The following ADAM19 variants were observed in gnomAD, a reference collection of about 807,000 sequenced individuals.
The protein encoded by ADAM19 is disintegrin and metalloproteinase domain-containing protein 19.
In ADAM19, 65 loss-of-function variants were observed where a neutral mutation model predicts 114.7. The ratio of observed to expected loss-of-function variants is 0.57; its 90% CI spans 0.46 to 0.70. The LOEUF is 0.70. Ranked by LOEUF, ADAM19 falls within the 30% of genes least tolerant of loss-of-function variation. ADAM19 has a pLI of 0.00. For synonymous variants in ADAM19, 466 were observed against 460.5 expected, an observed-to-expected ratio of 1.01 and a Z score of -0.15; for missense variants, 1,063 against 1,204.7, an observed-to-expected ratio of 0.88 and a Z score of 1.74.
chr5:157,559,768 T>C (rs1473075895), intron 3 of ADAM19, among the ~76,000 whole-genome samples: 4 of 152,216 alleles, frequency 2.6e-5, no homozygotes, highest in Admixed American at 6.5e-5. Context: ...TTCTGCTCTG[T>C]AGTTTCCCTT....
Position 157,518,855 on chromosome 5 carries a change from C to T in ADAM19, c.634G>A (p.Val212Met). Residue 212 changes from valine (V) to methionine (M), a missense_variant, in exon 7 of 23, where the codon GTG (valine) becomes ATG (methionine). By Grantham distance (21) the Val-to-Met change is conservative. This residue lies in a region of ADAM19 where 615 missense variants were observed against 706.3 expected (regional missense o/e 0.87). Coordinates refer to ENST00000257527, the MANE Select transcript of ADAM19 (RefSeq NM_033274.5). Reference sequence around the variant, plus strand: ...TAATCAGCCACGAGGTAAAGCTCCACATACTTCATGGAGTTTAAATCTTCC... The same window carrying T: ...TAATCAGCCACGAGGTAAAGCTCCATATACTTCATGGAGTTTAAATCTTCC... ...KREDLNSMKY[V>M]ELYLVADYLE... 1 of 1,614,112 alleles carries T rather than the reference C, an allele frequency of 6.2e-7. No homozygotes were observed. The highest frequency in any genetic ancestry group is 8.5e-7 in the Non-Finnish European group (1 of 1,179,934).
At chr5:157,520,911 C>T (rs1327629478) in intron 5 of ADAM19, among the ~76,000 whole-genome samples, 1 of 152,190 alleles carries the variant, frequency 6.6e-6, no homozygotes, top group Non-Finnish European at 1.5e-5. Context: ...ACTCACAGTC[C>T]TCTGGAAGAC....
rs34600745 is a variant in ADAM19 at position 157,490,891 on chromosome 5, C to CAA, written c.2096-439_2096-438dup. On this transcript the variant is annotated intron_variant, in intron 18 of 22. Coordinates refer to ENST00000257527, the MANE Select transcript of ADAM19 (RefSeq NM_033274.5). Reference sequence around the variant, plus strand: ...TGGGTGACAGAGCAAGACTCCGTCTCAAAAAAAAAAAAAAAACAAAGAAAC... The same window carrying CAA: ...TGGGTGACAGAGCAAGACTCCGTCTCAAAAAAAAAAAAAAAAAACAAAGAAAC... Among the ~76,000 whole-genome samples the CAA allele has an allele frequency of 3.5e-3, 384 of 110,172 alleles. 6 individuals carry two copies. In the South Asian group the frequency reaches 0.046, roughly 13 times the overall value. The allele number at this position is 110,172 out of a possible 152,430, so 72.3% of individuals were successfully genotyped here.
chr5:157,508,730 A>C (rs1383730253), intron 9 of ADAM19, among the ~76,000 whole-genome samples: 3 of 152,244 alleles, frequency 2.0e-5, no homozygotes, highest in Admixed American at 6.5e-5. Flanking sequence ...GCACTGTCAC[A>C]TGTGACCCCC....
Position 157,530,802 on chromosome 5 carries a change from C to G in ADAM19, c.407+5G>C. The stretch of plus-strand genomic sequence containing the variant: ...GGTGCCACCTGCAGCCTCAGGGTCT[C>G]TTACCTAATTCCTCGGCAAGTGCTG... On this transcript the variant is annotated splice_donor_5th_base_variant and intron_variant, in intron 5 of 22. Transcript: ENST00000257527. 6.2e-7 allele frequency: 1 copy of G among 1,613,918 alleles called. No individual in the cohort carries two copies.
intron 21 of ADAM19, among the ~76,000 whole-genome samples, chr5:157,484,312 G>C (rs1470279096): frequency 6.6e-6 from 1 of 152,166 alleles, no homozygotes; most frequent in Non-Finnish European, 1.5e-5. Flanking sequence ...GAAGCAGTGT[G>C]GGGTCCGTAT....
At chr5:157,569,438 T>TTG (rs1757765432) in intron 2 of ADAM19, among the ~76,000 whole-genome samples, 1 of 133,728 alleles carries the variant, frequency 7.5e-6, no homozygotes, top group Admixed American at 7.2e-5. Flanking sequence ...TTTTTTTTTT[T>TTG]GTAGAGATAG....
chr5:157,563,560 C>T (rs945111567), intron 3 of ADAM19, among the ~76,000 whole-genome samples: 1 of 152,182 alleles, frequency 6.6e-6, no homozygotes, highest in Non-Finnish European at 1.5e-5. Flanking sequence ...AGACAGGCAG[C>T]TCTCCAAGCC....
At chr5:157,533,468 G>A (rs1756679722) in intron 4 of ADAM19, among the ~76,000 whole-genome samples, 1 of 152,152 alleles carries the variant, frequency 6.6e-6, no homozygotes, top group Non-Finnish European at 1.5e-5. Flanking sequence ...TCTGGGATTT[G>A]GAGGCCCCTC....
rs1294093871 is a variant in ADAM19 at position 157,480,393 on chromosome 5, T to C, written c.*556A>G. On this transcript the variant is annotated 3_prime_UTR_variant, in exon 23 of 23. Coordinates refer to ENST00000257527, the MANE Select transcript of ADAM19 (RefSeq NM_033274.5). ...GGACGTGGCTTGTCACATGCAGCCA[T>C]ACAGCCAGAAGCCGTTCCCTCAACC... 4.0e-6 allele frequency: 4 copies of C among 988,334 alleles called. No individual in the cohort carries two copies. The highest frequency in any genetic ancestry group is 1.1e-4 in the East Asian group (1 of 8,860). The allele number at this position is 988,334 out of a possible 1,614,324, so 61.2% of individuals were successfully genotyped here.
rs78544848 is a variant in ADAM19 at position 157,572,337 on chromosome 5, C to T, written c.95-1357G>A. ...AACTATAGGAGAGATTTGTTCAGGG[C>T]GCTGCAGAACTCAAATACTGGCGGC... is the stretch of plus-strand genomic sequence containing the variant. On this transcript the variant is annotated intron_variant, in intron 1 of 22. Transcript: ENST00000257527. 3.2e-3 allele frequency: 1,433 copies of T among 445,044 alleles called. 38 individuals are homozygous for T. The East Asian group carries it at 0.08, about 25-fold the overall frequency. The allele number at this position is 445,044 out of a possible 1,614,324, so 27.6% of individuals were successfully genotyped here.
chr5:157,490,785 A>C (rs376887634), intron 18 of ADAM19, among the ~76,000 whole-genome samples: 152 of 151,468 alleles, frequency 1.0e-3, no homozygotes, highest in African/African-American at 1.5e-3. Flanking sequence ...TCAGCTACTC[A>C]GGAGGCTGAG....
intron 5 of ADAM19, among the ~76,000 whole-genome samples, chr5:157,524,815 T>C (rs1215984972): frequency 1.3e-5 from 2 of 152,242 alleles, no homozygotes; most frequent in African/African-American, 2.4e-5. Context: ...GCTGTGATAA[T>C]GGACTGAATA....
intron 3 of ADAM19, among the ~76,000 whole-genome samples, chr5:157,548,616 G>A (rs976133803): frequency 1.3e-5 from 2 of 152,154 alleles, no homozygotes; most frequent in Non-Finnish European, 2.9e-5. Context: ...TTTATTCAAG[G>A]GGTCAGCCAA....
chr5:157,548,377 C>T (rs1757104112), intron 3 of ADAM19, among the ~76,000 whole-genome samples: 2 of 152,188 alleles, frequency 1.3e-5, no homozygotes, highest in South Asian at 4.1e-4. Context: ...GGACCTATCC[C>T]AGTGCCTGCC....
At chr5:157,492,019 T>C (rs1302082941) in intron 16 of ADAM19, 107 bp from the exon 17 acceptor site, 1 of 1,068,610 alleles carries the variant, frequency 9.4e-7, no homozygotes, top group Non-Finnish European at 1.4e-6. Flanking sequence ...TGGCCCGGCC[T>C]GGTGGCTCAC....
intron 3 of ADAM19, among the ~76,000 whole-genome samples, chr5:157,555,958 T>C (rs76601155): frequency 0.091 from 13,825 of 152,226 alleles, 708 homozygotes; most frequent in East Asian, 0.18. Flanking sequence ...CTCCCTCTTA[T>C]AAATATATTT....
At position 157,494,680 on chromosome 5, in the gene ADAM19, T is replaced by A. The variant is rs759835478; in HGVS notation, c.1703+7A>T. ...TCATTTCATGAGGCCTGCCCTTTGG[T>A]CATCACCTCATGTTGCACTTCCTGT... On this transcript the variant is annotated splice_region_variant and intron_variant, in intron 15 of 22. Transcript: ENST00000257527. 6.2e-6 allele frequency: 10 copies of A among 1,611,014 alleles called. No homozygotes were observed. The highest frequency in any genetic ancestry group is 8.5e-6 in the Non-Finnish European group (10 of 1,177,472).
intron 8 of ADAM19, 89 bp from the exon 9 acceptor site, chr5:157,509,556 A>G (rs1755849948): frequency 1.9e-6 from 2 of 1,047,590 alleles, no homozygotes; most frequent in Non-Finnish European, 2.5e-6. Context: ...GCTTGAGATT[A>G]AAAAGAAAAA....
Sources: gnomAD v4.1 joint callset for allele counts (sites outside exome capture counted in the v4.1 genomes callset) on GRCh38, gnomAD v4.1.1 for gene constraint, gnomAD v4.1.1 regional missense constraint, MANE v1.5 for transcripts, NCBI Gene and HGNC (gene_info 2026-07-23, HGNC 2026-07-21) for gene names.